Variants in LRMDA observed in about 807,000 individuals in gnomAD.
The protein encoded by LRMDA is leucine rich melanocyte differentiation associated, also known as leucine-rich melanocyte differentiation-associated protein.
Under a neutral mutation model 29.8 loss-of-function variants are expected in LRMDA, and 18 were observed. That is an observed-to-expected ratio of 0.60 (90% CI 0.42 to 0.90). The LOEUF (loss-of-function observed/expected upper bound fraction) is 0.90. LRMDA is among the 40% of genes least tolerant of loss of function. LRMDA has a pLI of 0.00. For synonymous variants in LRMDA, 125 were observed against 109.4 expected, an observed-to-expected ratio of 1.14 and a Z score of -0.89; for missense variants, 273 against 273.9, an observed-to-expected ratio of 1.00 and a Z score of 0.02.
intron 5 of LRMDA, among the ~76,000 whole-genome samples, chr10:76,184,909 A>G (rs1442409239): frequency 6.6e-6 from 1 of 152,202 alleles, no homozygotes; most frequent in Non-Finnish European, 1.5e-5. Context: ...GCAACTTGTC[A>G]TAAGAAATGG....
chr10:75,630,212 C>T (rs1841305417), intron 2 of LRMDA, among the ~76,000 whole-genome samples: 1 of 152,192 alleles, frequency 6.6e-6, no homozygotes, highest in Admixed American at 6.5e-5. Flanking sequence ...CACTCTGTGG[C>T]TCTCATTGTT....
intron 5 of LRMDA, among the ~76,000 whole-genome samples, chr10:76,094,912 G>A (rs749278887): frequency 6.6e-6 from 1 of 151,996 alleles, no homozygotes; most frequent in Non-Finnish European, 1.5e-5. Flanking sequence ...TTTTCACTTA[G>A]TAGGTTTCTT....
At chr10:75,721,341 A>G (rs138075401) in intron 2 of LRMDA, among the ~76,000 whole-genome samples, 5 of 152,312 alleles carry the variant, frequency 3.3e-5, no homozygotes, top group East Asian at 1.9e-4. Flanking sequence ...GTTTTTATAT[A>G]TGTATACGTA....
intron 2 of LRMDA, among the ~76,000 whole-genome samples, chr10:75,745,655 A>C (rs1842882201): frequency 6.6e-6 from 1 of 152,210 alleles, no homozygotes. Context: ...ACATTGGAAC[A>C]ATATTATTGA....
chr10:75,975,229 C>A (rs1407644122), intron 2 of LRMDA, among the ~76,000 whole-genome samples: 1 of 152,232 alleles, frequency 6.6e-6, no homozygotes, highest in African/African-American at 2.4e-5. Context: ...GGGCTGAAGG[C>A]CCTGGGCTCT....
At chr10:75,842,450 C>T (rs1390318518) in intron 2 of LRMDA, among the ~76,000 whole-genome samples, 2 of 152,170 alleles carry the variant, frequency 1.3e-5, no homozygotes, top group African/African-American at 4.8e-5. Context: ...AAAGTGTTTG[C>T]TGACCTCTGG....
intron 2 of LRMDA, among the ~76,000 whole-genome samples, chr10:75,652,980 ACT>A (rs964688799): frequency 4.6e-5 from 7 of 152,166 alleles, no homozygotes; most frequent in Non-Finnish European, 7.4e-5. Flanking sequence ...GATTCTGAAC[ACT>A]CTCTCTGCTT....
At chr10:75,964,962 C>T (rs1203095487) in intron 2 of LRMDA, among the ~76,000 whole-genome samples, 3 of 152,256 alleles carry the variant, frequency 2.0e-5, no homozygotes, top group South Asian at 2.1e-4. Flanking sequence ...GATGGGGTTT[C>T]GCCATGTTGG....
intron 6 of LRMDA, among the ~76,000 whole-genome samples, chr10:76,422,252 G>A (rs551667381): frequency 6.6e-6 from 1 of 152,042 alleles, no homozygotes. Flanking sequence ...ACTGAATGTG[G>A]GACTCAGGTC....
intron 2 of LRMDA, among the ~76,000 whole-genome samples, chr10:75,681,508 CTG>C (rs953245373): frequency 9.2e-5 from 14 of 152,316 alleles, no homozygotes; most frequent in African/African-American, 3.4e-4. Context: ...TGATGCCAGG[CTG>C]TGTGTTGGCT....
chr10:76,028,463 G>A (rs893879169), intron 2 of LRMDA, among the ~76,000 whole-genome samples: 3 of 151,866 alleles, frequency 2.0e-5, no homozygotes, highest in African/African-American at 7.3e-5. Context: ...TTATTATTTA[G>A]TTTACATTAG....
intron 5 of LRMDA, among the ~76,000 whole-genome samples, chr10:76,113,600 TC>T (rs1329976388): frequency 6.6e-6 from 1 of 151,986 alleles, no homozygotes; most frequent in East Asian, 1.9e-4. Context: ...TTTTCAGATT[TC>T]CCCCCATTTC....
chr10:76,322,404 C>T (rs1840782439), intron 5 of LRMDA, among the ~76,000 whole-genome samples: 1 of 152,176 alleles, frequency 6.6e-6, no homozygotes, highest in Admixed American at 6.5e-5. Flanking sequence ...TTTGCAAAAT[C>T]ATTCTTTCCT....
At chr10:76,068,549 A>G (rs928439926) in intron 5 of LRMDA, among the ~76,000 whole-genome samples, 3 of 152,192 alleles carry the variant, frequency 2.0e-5, no homozygotes, top group African/African-American at 7.2e-5. Context: ...TTGAACTCCT[A>G]TGAGAATCTG....
chr10:75,823,747 C>T (rs886878355), intron 2 of LRMDA, among the ~76,000 whole-genome samples: 1 of 145,730 alleles, frequency 6.9e-6, no homozygotes, highest in Non-Finnish European at 1.5e-5. Context: ...CACATATATA[C>T]CTACTTACAT....
At chr10:76,158,270 T>G (rs1850578764) in intron 5 of LRMDA, among the ~76,000 whole-genome samples, 1 of 152,114 alleles carries the variant, frequency 6.6e-6, no homozygotes, top group Admixed American at 6.6e-5. Context: ...CCTACCCCCT[T>G]TGCCTCCTTC....
At chr10:76,138,269 C>T (rs1010265235) in intron 5 of LRMDA, among the ~76,000 whole-genome samples, 4 of 152,092 alleles carry the variant, frequency 2.6e-5, no homozygotes, top group African/African-American at 4.8e-5. Flanking sequence ...TTTTCCGGAG[C>T]TGACAGCTGC....
At chr10:76,363,072 A>C (rs1474803499) in intron 6 of LRMDA, among the ~76,000 whole-genome samples, 3 of 148,952 alleles carry the variant, frequency 2.0e-5, no homozygotes, top group East Asian at 2.0e-4. Context: ...GTGCTTGCTA[A>C]CATCGACCTA....
chr10:75,622,583 A>G (rs1264425938), intron 2 of LRMDA, among the ~76,000 whole-genome samples: 1 of 152,204 alleles, frequency 6.6e-6, no homozygotes, highest in East Asian at 1.9e-4. Flanking sequence ...GACCACTGAA[A>G]CTAATAAAGA....
Sources: gnomAD v4.1 joint callset for allele counts (sites outside exome capture counted in the v4.1 genomes callset) on GRCh38, gnomAD v4.1.1 for gene constraint, MANE v1.5 for transcripts, NCBI Gene and HGNC (gene_info 2026-07-23, HGNC 2026-07-21) for gene names.